EIF3E: variants seen among roughly 807,000 people sequenced by gnomAD.
EIF3E encodes eIF-3 p48.
Under a neutral mutation model 59.3 loss-of-function variants are expected in EIF3E, and 25 were observed. The observed-to-expected ratio is 0.42, with a 90% confidence interval of 0.31 to 0.59. The LOEUF is 0.59. Ranked by LOEUF, EIF3E falls within the 20% of genes least tolerant of loss-of-function variation. The pLI is 0.15. For synonymous variants in EIF3E, 176 were observed against 170.2 expected (o/e 1.03, Z -0.26); for missense variants, 317 against 534.3 (o/e 0.59, Z 4.01).
intron 5 of EIF3E, chr8:108,234,500 T>C (rs1226687689): frequency 6.6e-6 from 1 of 152,340 alleles, no homozygotes; most frequent in Non-Finnish European, 1.5e-5. Flanking sequence ...TATATTCCAA[T>C]AGCTGAAGGC....
intron 1 of EIF3E, 35 bp downstream of exon 1, chr8:108,248,578 C>A: frequency 6.2e-7 from 1 of 1,608,244 alleles, no homozygotes; most frequent in Non-Finnish European, 8.5e-7. Flanking sequence ...CCTCATCCGC[C>A]CCCACGCCTT....
At chr8:108,204,746 T>TATATATAG (rs1354950271) in intron 10 of EIF3E, among the ~76,000 whole-genome samples, 37 of 113,660 alleles carry the variant, frequency 3.3e-4, no homozygotes, top group East Asian at 1.7e-3. Flanking sequence ...TATATATATA[T>TATATATAG]AGAGAGAGAG....
intron 1 of EIF3E, chr8:108,243,189 C>T (rs1044953026): frequency 6.6e-6 from 1 of 152,186 alleles, no homozygotes; most frequent in African/African-American, 2.4e-5. Flanking sequence ...ACAAACAATG[C>T]TGAGTGAAAG....
chr8:108,237,131 C>T (rs1276216759), intron 3 of EIF3E, among the ~76,000 whole-genome samples: 2 of 152,198 alleles, frequency 1.3e-5, no homozygotes, highest in African/African-American at 4.8e-5. Flanking sequence ...TTTAATTTTT[C>T]TTAAATTAGC....
rs557055789 is a variant in EIF3E, at chr8:108,201,800, A to G, written c.*85T>C. ...AATTTATACGTAATATGTTGTTTCC[A>G]AAATGTAAGTCACCCTTTATATAAT... On this transcript the variant is annotated 3_prime_UTR_variant, in exon 13 of 13. Transcript: ENST00000220849. 9 of 1,158,518 alleles carry G rather than the reference A, an allele frequency of 7.8e-6. No individual in the cohort carries two copies. In the East Asian group the frequency reaches 2.7e-4, roughly 35 times the overall value. 71.8% of individuals were successfully genotyped at this position (1,158,518 alleles called of 1,614,324 possible). A position where few individuals can be genotyped will look rare whatever the true frequency, so the allele number is the denominator to read the frequency against.
Position 108,214,693 on chromosome 8 carries a change from CAAG to C in EIF3E, c.972_974del (p.Phe324del), listed in dbSNP as rs1313963158. The C allele has an allele frequency of 6.8e-6, 11 of 1,608,072 alleles. No individual in the cohort carries two copies. The highest frequency in any genetic ancestry group is 6.7e-5 in the East Asian group (3 of 44,702). On this transcript the variant is annotated inframe_deletion, in exon 10 of 13. Transcript: ENST00000220849. Reference sequence around the variant, plus strand: ...CAATGAAATCCTCAAGACAAGCCACCAAGAAGAAGTCATTCACAAGCACCTATA... The same window carrying C: ...CAATGAAATCCTCAAGACAAGCCACCAAGAAGTCATTCACAAGCACCTATA...
At chr8:108,245,677 A>G (rs922007858) in intron 1 of EIF3E, among the ~76,000 whole-genome samples, 4 of 152,238 alleles carry the variant, frequency 2.6e-5, no homozygotes, top group African/African-American at 9.6e-5. Context: ...TTCAGAGCCC[A>G]GGGTCCTAAA....
rs778229202 is a variant in EIF3E, at chr8:108,201,950, C to A, written c.1300-27G>T. The stretch of plus-strand genomic sequence containing the variant: ...TAAAATATGCAAAAAGAAATCAACA[C>A]CGTGAAAAGAAAATACTTTCGGAAA... On this transcript the variant is annotated intron_variant, in intron 12 of 12. Coordinates refer to ENST00000220849, the MANE Select transcript of EIF3E (RefSeq NM_001568.3). 3.9e-6 allele frequency: 6 copies of A among 1,551,776 alleles called. No homozygotes were observed. The Admixed American group carries it at 1.1e-4, about 29-fold the overall frequency.
chr8:108,233,375 T>A (rs1815659410), intron 5 of EIF3E: 1 of 152,202 alleles, frequency 6.6e-6, no homozygotes, highest in African/African-American at 2.4e-5. Context: ...TTTAATTTCC[T>A]AGAAAATAAC....
intron 7 of EIF3E, chr8:108,227,821 T>C (rs904862902): frequency 2.0e-5 from 3 of 152,410 alleles, no homozygotes; most frequent in African/African-American, 7.2e-5. Context: ...TCATAAGCAG[T>C]GAATTTCTCA....
intron 6 of EIF3E, among the ~76,000 whole-genome samples, 173 bp downstream of exon 6, chr8:108,228,897 C>T (rs983105401): frequency 1.3e-5 from 2 of 151,948 alleles, no homozygotes; most frequent in Non-Finnish European, 2.9e-5. Flanking sequence ...CAATTTCATT[C>T]AAGGAGATTC....
At chr8:108,230,706 TTG>T (rs1438308257) in intron 5 of EIF3E, among the ~76,000 whole-genome samples, 1 of 152,122 alleles carries the variant, frequency 6.6e-6, no homozygotes, top group Non-Finnish European at 1.5e-5. Context: ...ACAATACAAC[TTG>T]TACATGCATA....
At chr8:108,246,124 T>C (rs954026561) in intron 1 of EIF3E, among the ~76,000 whole-genome samples, 29 of 152,172 alleles carry the variant, frequency 1.9e-4, no homozygotes, top group African/African-American at 4.3e-4. Context: ...GGATGATTCA[T>C]GTCCCAGTTT....
chr8:108,204,611 G>A (rs895524808), intron 10 of EIF3E, among the ~76,000 whole-genome samples: 1 of 151,740 alleles, frequency 6.6e-6, no homozygotes, highest in Non-Finnish European at 1.5e-5. Context: ...CTACTATAAA[G>A]AGCATCAGTA....
intron 11 of EIF3E, 139 bp from the exon 12 acceptor site, chr8:108,203,256 T>G: frequency 7.8e-7 from 1 of 1,283,726 alleles, no homozygotes; most frequent in African/African-American, 1.5e-5. Context: ...AGAAAAAAAA[T>G]AGGAGGCTTC....
At chr8:108,212,716 C>A (rs999107410) in intron 10 of EIF3E, among the ~76,000 whole-genome samples, 4 of 152,122 alleles carry the variant, frequency 2.6e-5, no homozygotes, top group African/African-American at 9.7e-5. Flanking sequence ...GCACGAGAAT[C>A]TCTTGAACGC....
chr8:108,214,837 T>C (rs1815272462), intron 9 of EIF3E, 121 bp from the exon 10 acceptor site: 7 of 767,864 alleles, frequency 9.1e-6, no homozygotes, highest in Non-Finnish European at 1.5e-5. Context: ...ACCACAGCAC[T>C]TTCTAGAACA....
chr8:108,211,657 T>G (rs1354320215), intron 10 of EIF3E, among the ~76,000 whole-genome samples: 2 of 152,222 alleles, frequency 1.3e-5, no homozygotes, highest in African/African-American at 4.8e-5. Context: ...ATTAAATTAC[T>G]GATTTTTCAC....
At position 108,229,145 on chromosome 8, in the gene EIF3E, G is replaced by A. The variant is rs1815574907; in HGVS notation, c.522C>T (p.Ala174=). 2 of 1,613,296 alleles carry A rather than the reference G, an allele frequency of 1.2e-6. No individual in the cohort carries two copies. The highest frequency in any genetic ancestry group is 2.7e-5 in the African/African-American group (2 of 74,860). Residue 174 remains alanine, a synonymous_variant, in exon 6 of 13, where the codon GCC becomes GCT. Transcript: ENST00000220849. ...NALSSLWGKL[A]SEILMQNWDA... is the part of the protein sequence containing the mutation. ...CCCAATTCTGCATTAAGATTTCAGA[G>A]GCCAGCTTTCCCCAGAGTGAACTTA...
Sources: allele counts gnomAD v4.1 joint callset (sites outside exome capture counted in the v4.1 genomes callset), GRCh38; gene constraint gnomAD v4.1.1; transcripts MANE v1.5; gene names NCBI Gene and HGNC (gene_info 2026-07-23, HGNC 2026-07-21).